The following PTCHD4 variants were observed in gnomAD, a reference collection of about 807,000 sequenced individuals.
PTCHD4 encodes patched domain-containing protein 4.
Under a neutral mutation model 58.1 loss-of-function variants are expected in PTCHD4, and 33 were observed. That is an observed-to-expected ratio of 0.57 (90% confidence interval 0.43 to 0.76). PTCHD4 has a LOEUF of 0.76. Among genes scored for constraint, PTCHD4 ranks in the 30% least tolerant of loss-of-function variants. The probability of loss-of-function intolerance (pLI) is 0.00; values close to 1 mark genes in which losing one functional copy is unlikely to be tolerated. For synonymous variants in PTCHD4, 478 were observed against 409.6 expected (o/e 1.17, Z -2.02); for missense variants, 1,058 against 1,027.1 (o/e 1.03, Z -0.41).
At chr6:48,039,371 T>C (rs1763761417) in intron 3 of PTCHD4, among the ~76,000 whole-genome samples, 3 of 152,064 alleles carry the variant, frequency 2.0e-5, no homozygotes. Context: ...TCAATGCTTA[T>C]CTGAAAAAAC....
rs370146679 is a variant in PTCHD4, at chr6:47,862,266, C to T, written c.*16037G>A. 4.8e-4 allele frequency among the ~76,000 whole-genome samples: 72 copies of T among 150,980 alleles called. No individual in the cohort carries two copies. The highest frequency in any genetic ancestry group is 2.3e-3 in the Admixed American group (35 of 15,108). On this transcript the variant is annotated 3_prime_UTR_variant, in exon 5 of 5. Coordinates refer to ENST00000339488, the MANE Select transcript of PTCHD4 (RefSeq NM_001384253.1). ...TTTTTTTTTAATATCTTGGGTCTGGCGTATATCATAGTTTAGTAGCTGTGC... is the reference window on the plus strand; with the variant it reads ...TTTTTTTTTAATATCTTGGGTCTGGTGTATATCATAGTTTAGTAGCTGTGC...
intron 4 of PTCHD4, among the ~76,000 whole-genome samples, chr6:47,983,436 C>G (rs940715689): frequency 6.6e-6 from 1 of 151,990 alleles, no homozygotes; most frequent in Non-Finnish European, 1.5e-5. Context: ...TTCAGACAAA[C>G]ATTCTGAGAA....
intron 4 of PTCHD4, among the ~76,000 whole-genome samples, chr6:47,909,685 C>T (rs917704192): frequency 1.3e-5 from 2 of 152,022 alleles, no homozygotes; most frequent in Admixed American, 6.6e-5. Context: ...TCAAGTGATC[C>T]TTCTGCCTTG....
At chr6:47,910,834 A>T (rs957210183) in intron 4 of PTCHD4, among the ~76,000 whole-genome samples, 1 of 152,164 alleles carries the variant, frequency 6.6e-6, no homozygotes. Context: ...AATATGTTAT[A>T]AACATTTTTA....
intron 4 of PTCHD4, among the ~76,000 whole-genome samples, chr6:47,949,560 G>C (rs1766553636): frequency 6.6e-6 from 1 of 152,104 alleles, no homozygotes. Context: ...TTATTGTATT[G>C]ATTATCTGCT....
intron 4 of PTCHD4, among the ~76,000 whole-genome samples, chr6:47,919,153 G>T (rs1250666025): frequency 6.6e-6 from 1 of 151,874 alleles, no homozygotes; most frequent in Non-Finnish European, 1.5e-5. Context: ...CATTATTTTG[G>T]GTTCCTTTTA....
chr6:47,955,705 A>C (rs1766831246), intron 4 of PTCHD4, among the ~76,000 whole-genome samples: 1 of 152,248 alleles, frequency 6.6e-6, no homozygotes, highest in South Asian at 2.1e-4. Flanking sequence ...AGTAAGGCTT[A>C]TGTTGTGAAG....
rs1763967622 is a variant in PTCHD4, at chr6:47,879,851, A to G, written c.984T>C (p.Asp328=). Reference sequence around the variant, plus strand: ...AGGTGACCATCACATCAGAATAGGCATCTGCTATCCTGTCTTTGAAGGGCA... The same window carrying G: ...AGGTGACCATCACATCAGAATAGGCGTCTGCTATCCTGTCTTTGAAGGGCA... ...ENLPFKDRIA[D]AYSDVMVTYT... Residue 328 remains aspartate, a synonymous_variant, in exon 5 of 5, where the codon GAT becomes GAC. Coordinates refer to ENST00000339488, the MANE Select transcript of PTCHD4 (RefSeq NM_001384253.1). 1.2e-6 allele frequency: 2 copies of G among 1,609,266 alleles called. No individual in the cohort carries two copies. The highest frequency in any genetic ancestry group is 8.5e-7 in the Non-Finnish European group (1 of 1,177,586).
chr6:47,869,343 T>C lies in PTCHD4; in HGVS notation c.*8960A>G, dbSNP rs1763658842. Among the ~76,000 whole-genome samples the C allele has an allele frequency of 6.6e-6, 1 of 151,752 alleles. No individual in the cohort carries two copies. Among genetic ancestry groups the C allele is most frequent in the African/African-American group, 2.4e-5 (1 of 41,390 alleles). ...ACTGAGGAGCCGCTGGCTCACTCAT[T>C]GTCTCCATCTTCTGCAGCTCTCATA... On this transcript the variant is annotated 3_prime_UTR_variant, in exon 5 of 5. Transcript: ENST00000339488.
chr6:47,984,311 C>A (rs1490643740), intron 4 of PTCHD4, among the ~76,000 whole-genome samples: 1 of 152,122 alleles, frequency 6.6e-6, no homozygotes. Flanking sequence ...AACTTACAAT[C>A]ATGGCAGAAG....
chr6:48,106,250 A>C (rs1334352888), intron 1 of PTCHD4, among the ~76,000 whole-genome samples: 2 of 152,164 alleles, frequency 1.3e-5, no homozygotes, highest in Non-Finnish European at 2.9e-5. Context: ...AAGCTTATCC[A>C]CCATGATCAA....
At chr6:47,938,920 G>GAATC (rs759560657) in intron 4 of PTCHD4, among the ~76,000 whole-genome samples, 14 of 152,148 alleles carry the variant, frequency 9.2e-5, no homozygotes, top group Non-Finnish European at 1.6e-4. Flanking sequence ...AAAGCTGATA[G>GAATC]AATCAATGTA....
intron 4 of PTCHD4, among the ~76,000 whole-genome samples, chr6:47,965,662 C>T (rs1767256047): frequency 6.6e-6 from 1 of 152,292 alleles, no homozygotes; most frequent in African/African-American, 2.4e-5. Context: ...GGAGCGTTGG[C>T]TCACACCTGT....
At chr6:48,080,885 G>C (rs1765153973) in intron 1 of PTCHD4, among the ~76,000 whole-genome samples, 1 of 152,078 alleles carries the variant, frequency 6.6e-6, no homozygotes, top group Admixed American at 6.5e-5. Context: ...CGGTATTAAT[G>C]GATTGTCTGG....
chr6:48,009,058 G>C lies in PTCHD4; in HGVS notation c.474C>G (p.Asn158Lys). 1 of 1,613,788 alleles carries C rather than the reference G, an allele frequency of 6.2e-7. No homozygotes were observed. Among genetic ancestry groups the C allele is most frequent in the Non-Finnish European group, 8.5e-7 (1 of 1,179,832 alleles). ...HQLGGVVEVP[N>K]SKDQRVKSAR... ...CTGACTTGACCCGCTGATCTTTGCTGTTTGGCACTTCCACTACCCCGCCCA... is the reference window on the plus strand; with the variant it reads ...CTGACTTGACCCGCTGATCTTTGCTCTTTGGCACTTCCACTACCCCGCCCA... The change falls in exon 4 of 5, where the codon AAC (asparagine) becomes AAG (lysine). Residue 158 changes from asparagine to lysine, a missense_variant. Transcript: ENST00000339488.
At chr6:47,922,148 A>G (rs1765453651) in intron 4 of PTCHD4, among the ~76,000 whole-genome samples, 1 of 151,982 alleles carries the variant, frequency 6.6e-6, no homozygotes, top group Admixed American at 6.6e-5. Context: ...AAAGAAAAAA[A>G]AGTTACTATT....
chr6:48,064,139 T>C (rs1294020565), intron 3 of PTCHD4, among the ~76,000 whole-genome samples: 1 of 152,196 alleles, frequency 6.6e-6, no homozygotes, highest in Non-Finnish European at 1.5e-5. Context: ...GAAATAGATT[T>C]GCTTTATTTC....
At chr6:47,974,432 C>T (rs1767620241) in intron 4 of PTCHD4, among the ~76,000 whole-genome samples, 1 of 152,096 alleles carries the variant, frequency 6.6e-6, no homozygotes, top group South Asian at 2.1e-4. Context: ...TGGTCTGTGC[C>T]AAATAAGCAC....
chr6:48,102,138 T>C (rs376863034), intron 1 of PTCHD4, among the ~76,000 whole-genome samples: 3 of 152,184 alleles, frequency 2.0e-5, no homozygotes, highest in African/African-American at 7.2e-5. Flanking sequence ...TCAAATCCCA[T>C]TTCCAGTGAT....
Sources: allele counts gnomAD v4.1 joint callset (sites outside exome capture counted in the v4.1 genomes callset), GRCh38; gene constraint gnomAD v4.1.1; transcripts MANE v1.5; gene names NCBI Gene and HGNC (gene_info 2026-07-23, HGNC 2026-07-21).